Variants in PTPRN2 observed in about 807,000 individuals in gnomAD.
The protein encoded by PTPRN2 is protein tyrosine phosphatase receptor type N2.
PTPRN2 carries 74 observed loss-of-function variants against 118.8 expected under a neutral mutation model. The ratio of observed to expected loss-of-function variants is 0.62; its 90% confidence interval spans 0.52 to 0.76. PTPRN2 has a LOEUF of 0.76. Ranked by LOEUF, PTPRN2 falls within the 30% of genes least tolerant of loss-of-function variation. PTPRN2 has a pLI of 0.00. For missense variants in PTPRN2, 1,481 were observed against 1,394.4 expected, an observed-to-expected ratio of 1.06 and a Z score of -0.99; for synonymous variants, 641 against 608.0, an observed-to-expected ratio of 1.05 and a Z score of -0.80.
chr7:158,489,875 A>G, intron 1 of PTPRN2, 90 bp from the exon 2 acceptor site: 1 of 1,250,754 alleles, frequency 8.0e-7, no homozygotes, highest in Non-Finnish European at 1.1e-6. Context: ...GGTGAATTTC[A>G]GAGAAACCGC....
At chr7:158,330,449 C>G (rs543048988) in intron 2 of PTPRN2, among the ~76,000 whole-genome samples, 5 of 101,372 alleles carry the variant, frequency 4.9e-5, no homozygotes, top group Admixed American at 2.2e-4. Context: ...AGAGCTGACA[C>G]CCGCAGACGT....
chr7:157,917,046 G>A (rs542328438), intron 11 of PTPRN2, among the ~76,000 whole-genome samples: 85 of 145,510 alleles, frequency 5.8e-4, no homozygotes, highest in Admixed American at 8.9e-4. Flanking sequence ...CTCCCCAGCT[G>A]AAGGTCCCCA....
chr7:157,812,569 A>G (rs1806122229), intron 12 of PTPRN2, among the ~76,000 whole-genome samples: 1 of 152,224 alleles, frequency 6.6e-6, no homozygotes, highest in Non-Finnish European at 1.5e-5. Context: ...GGTGAAAAGA[A>G]AGAAGTTGTC....
intron 21 of PTPRN2, among the ~76,000 whole-genome samples, chr7:157,554,670 G>T (rs1348252749): frequency 6.6e-6 from 1 of 152,228 alleles, no homozygotes; most frequent in African/African-American, 2.4e-5. Flanking sequence ...CCAGTGGTGT[G>T]ACGCTGACAT....
In PTPRN2 at chr7:157,604,128, G is replaced by A. The variant is rs1187595723; in HGVS notation, c.2345-53C>T. The A allele has an allele frequency of 1.2e-5, 19 of 1,566,900 alleles. No individual in the cohort carries two copies. In the Admixed American group the frequency reaches 2.8e-4, roughly 23 times the overall value. Reference sequence around the variant, plus strand: ...GGAACATTGGCCCACCCAGCAGTGTGAGACCCCCACTTGGCCTCCAGGGCC... The same window carrying A: ...GGAACATTGGCCCACCCAGCAGTGTAAGACCCCCACTTGGCCTCCAGGGCC... On this transcript the variant is annotated intron_variant, in intron 15 of 22. Coordinates refer to ENST00000389418, the MANE Select transcript of PTPRN2 (RefSeq NM_002847.5).
chr7:158,329,356 C>T (rs755580726), intron 2 of PTPRN2, among the ~76,000 whole-genome samples: 9 of 152,204 alleles, frequency 5.9e-5, no homozygotes, highest in Admixed American at 3.3e-4. Context: ...TTAAGGATGC[C>T]TTAAACCCCC....
intron 2 of PTPRN2, among the ~76,000 whole-genome samples, chr7:158,361,445 A>C (rs1234768429): frequency 1.3e-5 from 2 of 152,226 alleles, no homozygotes; most frequent in East Asian, 1.9e-4. Context: ...ACCCCATCAC[A>C]GCTGGCTGGA....
At chr7:158,069,187 C>A (rs1811016286) in intron 11 of PTPRN2, among the ~76,000 whole-genome samples, 1 of 152,148 alleles carries the variant, frequency 6.6e-6, no homozygotes, top group Non-Finnish European at 1.5e-5. Context: ...CTCTCCCATT[C>A]TTTTTAAACA....
intron 12 of PTPRN2, among the ~76,000 whole-genome samples, chr7:157,712,369 G>C (rs1193966060): frequency 6.6e-6 from 1 of 152,098 alleles, no homozygotes; most frequent in Non-Finnish European, 1.5e-5. Context: ...ATGTAACTTG[G>C]AAAAAGGACC....
At chr7:157,669,359 T>C (rs138561586) in intron 13 of PTPRN2, among the ~76,000 whole-genome samples, 170 of 152,304 alleles carry the variant, frequency 1.1e-3, no homozygotes, top group Non-Finnish European at 2.0e-3. Flanking sequence ...CTCCAGTGGC[T>C]TCTCCTTGGT....
intron 2 of PTPRN2, among the ~76,000 whole-genome samples, chr7:158,380,440 T>G (rs1810882713): frequency 6.6e-6 from 1 of 152,210 alleles, no homozygotes; most frequent in African/African-American, 2.4e-5. Context: ...CAGTCAAATC[T>G]TAAAGCTCCA....
At chr7:157,665,393 G>A (rs1796086963) in intron 13 of PTPRN2, among the ~76,000 whole-genome samples, 2 of 152,206 alleles carry the variant, frequency 1.3e-5, no homozygotes, top group Admixed American at 1.3e-4. Context: ...AAGAAGAAAG[G>A]TAGATGTAAC....
At chr7:157,608,616 T>C (rs1366921859) in intron 15 of PTPRN2, among the ~76,000 whole-genome samples, 3 of 152,294 alleles carry the variant, frequency 2.0e-5, no homozygotes, top group African/African-American at 7.2e-5. Flanking sequence ...CCGAGTCCCC[T>C]AAAGGGCAGT....
At chr7:157,772,136 G>GACAC (rs200184040) in intron 12 of PTPRN2, among the ~76,000 whole-genome samples, 1 of 138,642 alleles carries the variant, frequency 7.2e-6, no homozygotes, top group Non-Finnish European at 1.6e-5. Context: ...TACACAGACA[G>GACAC]ACACACACAC....
intron 12 of PTPRN2, among the ~76,000 whole-genome samples, chr7:157,799,895 C>T (rs1192426771): frequency 1.7e-4 from 22 of 128,358 alleles, no homozygotes; most frequent in African/African-American, 3.9e-4. Flanking sequence ...ACAGCCGGCC[C>T]CCTCCATCCC....
At chr7:157,743,511 C>A (rs1429868761) in intron 12 of PTPRN2, among the ~76,000 whole-genome samples, 1 of 152,248 alleles carries the variant, frequency 6.6e-6, no homozygotes, top group Non-Finnish European at 1.5e-5. Context: ...AAGTGGGACC[C>A]ACACTTGTGG....
Position 157,869,785 on chromosome 7 carries a change from A to G in PTPRN2, c.1788+28888T>C, listed in dbSNP as rs560633361. ...CTGGTGGAGAAGGGCTCTCTGGTGA[A>G]GCTTTCCCAGGCATTTTTCTGCTAA... On this transcript the variant is annotated intron_variant, in intron 12 of 22. Coordinates refer to ENST00000389418, the MANE Select transcript of PTPRN2 (RefSeq NM_002847.5). This position sits in a 1 kb window ranked among gnomAD's most constrained non-coding sequence, Gnocchi z 4.2. Among the ~76,000 whole-genome samples, 3 of 152,186 alleles carry G rather than the reference A, an allele frequency of 2.0e-5. No individual in the cohort carries two copies. Among genetic ancestry groups the G allele is most frequent in the Non-Finnish European group, 4.4e-5 (3 of 68,024 alleles).
In PTPRN2 at chr7:158,093,021, TC is replaced by T. The variant is rs1277299201; in HGVS notation, c.1644-11645del. On this transcript the variant is annotated intron_variant, in intron 10 of 22. Transcript: ENST00000389418. The surrounding 1 kb of genome is among the most constrained non-coding windows in gnomAD (Gnocchi z 4.4). The stretch of plus-strand genomic sequence containing the variant: ...AGGTGCTAGCTCCAAATAGTCCAAT[TC>T]TAATATCAATGCCACCACTAGAATC... Among the ~76,000 whole-genome samples the T allele has an allele frequency of 1.3e-5, 2 of 152,228 alleles. No homozygotes were observed. Among genetic ancestry groups the T allele is most frequent in the Non-Finnish European group, 2.9e-5 (2 of 68,040 alleles).
At chr7:157,963,069 T>C (rs1801655081) in intron 11 of PTPRN2, among the ~76,000 whole-genome samples, 1 of 152,142 alleles carries the variant, frequency 6.6e-6, no homozygotes, top group South Asian at 2.1e-4. Context: ...CGGCAGACAC[T>C]CAGCCAGCGC....
Sources: allele counts gnomAD v4.1 joint callset (sites outside exome capture counted in the v4.1 genomes callset), GRCh38; gene constraint gnomAD v4.1.1; non-coding constraint Gnocchi (gnomAD v3.1); transcripts MANE v1.5; gene names NCBI Gene and HGNC (gene_info 2026-07-23, HGNC 2026-07-21).